The following WWOX variants were observed in gnomAD, a reference collection of about 807,000 sequenced individuals.
The protein encoded by WWOX is WW domain-containing oxidoreductase.
In WWOX, 69 loss-of-function variants were observed where a neutral mutation model predicts 46.2. That is an observed-to-expected ratio of 1.49 (90% CI 1.23 to 1.82). WWOX has a LOEUF of 1.82. Among genes scored for constraint, WWOX ranks in the 40% most tolerant of loss-of-function variants. WWOX has a pLI of 0.00. For synonymous variants in WWOX, 359 were observed against 202.6 expected (o/e 1.77, Z -6.56); for missense variants, 919 against 542.6 (o/e 1.69, Z -6.89).
chr16:78,973,977 A>G (rs1051172018), intron 8 of WWOX, among the ~76,000 whole-genome samples: 4 of 152,208 alleles, frequency 2.6e-5, no homozygotes, highest in African/African-American at 9.6e-5. Context: ...AGGTGATTTT[A>G]TTACTAGTCA....
At chr16:78,335,498 G>A (rs550612743) in intron 5 of WWOX, among the ~76,000 whole-genome samples, 4 of 152,204 alleles carry the variant, frequency 2.6e-5, no homozygotes, top group Middle Eastern at 3.4e-3. Context: ...TGGTATATAT[G>A]TACCATATTT....
At chr16:78,735,426 C>CACACACACAAAA (rs57609552) in intron 8 of WWOX, among the ~76,000 whole-genome samples, 1 of 150,190 alleles carries the variant, frequency 6.7e-6, no homozygotes, top group South Asian at 2.1e-4. Context: ...CACACACACA[C>CACACACACAAAA]TAATATGGTT....
chr16:79,103,338 TA>T (rs1280362239), intron 8 of WWOX, among the ~76,000 whole-genome samples: 4 of 152,240 alleles, frequency 2.6e-5, no homozygotes, highest in African/African-American at 9.6e-5. Context: ...AAAGTACCTT[TA>T]GGGGAATCCA....
chr16:78,227,311 G>C (rs2037095583), intron 5 of WWOX, among the ~76,000 whole-genome samples: 1 of 152,138 alleles, frequency 6.6e-6, no homozygotes, highest in Admixed American at 6.5e-5. Context: ...TCTGAGCCAA[G>C]GCTTTATTTA....
intron 8 of WWOX, among the ~76,000 whole-genome samples, chr16:78,988,185 A>C (rs1388646377): frequency 6.6e-6 from 1 of 151,936 alleles, no homozygotes; most frequent in Admixed American, 6.6e-5. Flanking sequence ...TCTACTAAAA[A>C]TACAAAAACT....
chr16:78,567,552 C>CAAAAAAAA lies in WWOX; in HGVS notation c.1056+134816_1056+134823dup, dbSNP rs71272440. Among the ~76,000 whole-genome samples the CAAAAAAAA allele has an allele frequency of 5.6e-4, 29 of 52,126 alleles. 1 individual carries two copies. Among genetic ancestry groups the CAAAAAAAA allele is most frequent in the Admixed American group, 1.9e-3 (7 of 3,760 alleles). The allele number at this position is 52,126 out of a possible 152,430, so 34.2% of individuals were successfully genotyped here. A position where few individuals can be genotyped will look rare whatever the true frequency, so the allele number is the denominator to read the frequency against. On this transcript the variant is annotated intron_variant, in intron 8 of 8. Coordinates refer to ENST00000566780, the MANE Select transcript of WWOX (RefSeq NM_016373.4). ...TGGGCGACAGAAGGAGACTCCGTCTCAAAAAAAAAAAAAAAAAAAAAAAGA... is the reference window on the plus strand; with the variant it reads ...TGGGCGACAGAAGGAGACTCCGTCTCAAAAAAAAAAAAAAAAAAAAAAAAAAAAAAAGA...
chr16:79,193,761 T>G (rs960558666), intron 8 of WWOX, among the ~76,000 whole-genome samples: 1 of 152,120 alleles, frequency 6.6e-6, no homozygotes, highest in Non-Finnish European at 1.5e-5. Context: ...TACCTGAAGA[T>G]TGCAAAGCCC....
chr16:78,110,381 A>G (rs1202305267), intron 3 of WWOX, among the ~76,000 whole-genome samples: 19 of 149,610 alleles, frequency 1.3e-4, no homozygotes, highest in Non-Finnish European at 5.9e-5. Flanking sequence ...CACTGTGTGG[A>G]CTGTTTAGTA....
intron 1 of WWOX, among the ~76,000 whole-genome samples, chr16:78,101,631 A>G (rs182674858): frequency 6.6e-6 from 1 of 152,142 alleles, no homozygotes; most frequent in East Asian, 1.9e-4. Context: ...AGAATTTCTG[A>G]TTTAATTGGT....
intron 8 of WWOX, among the ~76,000 whole-genome samples, chr16:79,106,455 C>T (rs1014426425): frequency 1.3e-5 from 2 of 152,036 alleles, no homozygotes; most frequent in Non-Finnish European, 1.5e-5. Flanking sequence ...TGGGATGAAT[C>T]TGGGGACACT....
chr16:78,872,527 G>A (rs1224755411), intron 8 of WWOX, among the ~76,000 whole-genome samples: 1 of 152,194 alleles, frequency 6.6e-6, no homozygotes, highest in Non-Finnish European at 1.5e-5. Context: ...CCTTGAACAA[G>A]TGCATTAATC....
At chr16:78,213,981 T>C (rs750119070) in intron 5 of WWOX, among the ~76,000 whole-genome samples, 3 of 152,118 alleles carry the variant, frequency 2.0e-5, no homozygotes, top group Non-Finnish European at 2.9e-5. Flanking sequence ...TCTGCTCTTC[T>C]AAGCACTGAA....
At chr16:78,623,734 C>CA (rs10543154) in intron 8 of WWOX, among the ~76,000 whole-genome samples, 7,091 of 141,752 alleles carry the variant, frequency 0.05, 222 homozygotes, top group Non-Finnish European at 0.07. Flanking sequence ...GACTCTGTCT[C>CA]AAAAAAAAAA....
intron 8 of WWOX, among the ~76,000 whole-genome samples, chr16:78,681,826 T>A (rs941450805): frequency 6.6e-6 from 1 of 152,202 alleles, no homozygotes; most frequent in Non-Finnish European, 1.5e-5. Context: ...AGGGCTTCTT[T>A]TCTTCAACTT....
chr16:78,793,989 G>T (rs2050675056), intron 8 of WWOX, among the ~76,000 whole-genome samples: 4 of 152,176 alleles, frequency 2.6e-5, no homozygotes, highest in Admixed American at 2.6e-4. Flanking sequence ...ATATAGCAAA[G>T]TTCTTAGTAA....
At chr16:78,216,225 T>G (rs535697158) in intron 5 of WWOX, among the ~76,000 whole-genome samples, 90 of 152,320 alleles carry the variant, frequency 5.9e-4, no homozygotes, top group Non-Finnish European at 9.7e-4. Context: ...GTAATAATGA[T>G]AATAGATACA....
At chr16:78,565,194 T>C (rs1455488376) in intron 8 of WWOX, among the ~76,000 whole-genome samples, 1 of 152,242 alleles carries the variant, frequency 6.6e-6, no homozygotes, top group Non-Finnish European at 1.5e-5. Context: ...ACTGTGTTTC[T>C]TTCCTCTTGC....
At chr16:79,004,982 G>C (rs1464659037) in intron 8 of WWOX, among the ~76,000 whole-genome samples, 1 of 152,036 alleles carries the variant, frequency 6.6e-6, no homozygotes, top group East Asian at 1.9e-4. Context: ...CTTTTCACTT[G>C]AGTTTAATAA....
At chr16:78,526,959 G>A (rs1456792235) in intron 8 of WWOX, among the ~76,000 whole-genome samples, 1 of 152,200 alleles carries the variant, frequency 6.6e-6, no homozygotes, top group African/African-American at 2.4e-5. Context: ...GAGGTCAGGA[G>A]TTCAAGACCA....
Sources: allele counts gnomAD v4.1 joint callset (sites outside exome capture counted in the v4.1 genomes callset), GRCh38; gene constraint gnomAD v4.1.1; transcripts MANE v1.5; gene names NCBI Gene and HGNC (gene_info 2026-07-23, HGNC 2026-07-21).